EYS: variants seen among roughly 807,000 people sequenced by gnomAD.
EYS encodes the protein EGF-like photoreceptor maintenance factor.
EYS carries 250 observed loss-of-function variants against 282.1 expected under a neutral mutation model. The observed-to-expected ratio is 0.89, with a 90% CI of 0.80 to 0.98. The LOEUF is 0.98. Ranked by LOEUF, EYS falls within the 50% of genes least tolerant of loss-of-function variation. The pLI is 0.00. For synonymous variants in EYS, 1,355 were observed against 1,282.9 expected, an observed-to-expected ratio of 1.06 and a Z score of -1.20; for missense variants, 4,016 against 3,709.0, an observed-to-expected ratio of 1.08 and a Z score of -2.15.
At chr6:65,154,334 GAAGAA>G (rs1347963180) in intron 12 of EYS, among the ~76,000 whole-genome samples, 3 of 151,350 alleles carry the variant, frequency 2.0e-5, no homozygotes, top group Admixed American at 6.6e-5. Context: ...AAGGTGGAAG[GAAGAA>G]AAGAAAGGAG....
Position 65,056,943 on chromosome 6 carries a change from T to C in EYS, c.2137+671A>G, listed in dbSNP as rs1583441800. Among the ~76,000 whole-genome samples, 4 of 151,888 alleles carry C rather than the reference T, an allele frequency of 2.6e-5. No homozygotes were observed. The South Asian group carries it at 8.3e-4, about 32-fold the overall frequency. On this transcript the variant is annotated intron_variant, in intron 13 of 42. Transcript: ENST00000503581. ...AATATTTGAAGTGAGGCAAACAATC[T>C]TACATTTTTCATAAGTAATTATAAG...
intron 12 of EYS, among the ~76,000 whole-genome samples, chr6:65,243,930 A>AT (rs1364328882): frequency 2.0e-5 from 3 of 152,082 alleles, no homozygotes; most frequent in East Asian, 1.9e-4. Flanking sequence ...TAAAGTTTGT[A>AT]TTTTTTTCCA....
At chr6:63,867,417 C>T (rs1482399666) in intron 35 of EYS, among the ~76,000 whole-genome samples, 1 of 151,976 alleles carries the variant, frequency 6.6e-6, no homozygotes, top group Non-Finnish European at 1.5e-5. Context: ...GGAGATTTTT[C>T]TGAATTAAAA....
intron 18 of EYS, among the ~76,000 whole-genome samples, chr6:64,896,046 A>G (rs1266845262): frequency 6.6e-6 from 1 of 152,184 alleles, no homozygotes; most frequent in Non-Finnish European, 1.5e-5. Flanking sequence ...CTTATATTCA[A>G]TAAATACAAC....
At chr6:64,205,789 G>C (rs1405418350) in intron 31 of EYS, among the ~76,000 whole-genome samples, 6 of 149,030 alleles carry the variant, frequency 4.0e-5, no homozygotes, top group African/African-American at 1.5e-4. Context: ...ATTTGTGAAA[G>C]GCTTTCAAAG....
intron 23 of EYS, among the ~76,000 whole-genome samples, chr6:64,625,869 C>T (rs1371608079): frequency 1.3e-5 from 2 of 152,084 alleles, no homozygotes; most frequent in African/African-American, 2.4e-5. Context: ...TTTAGAAAAT[C>T]CATCAATAAG....
intron 35 of EYS, among the ~76,000 whole-genome samples, chr6:63,931,024 T>C (rs1764876205): frequency 1.3e-5 from 2 of 152,194 alleles, no homozygotes; most frequent in South Asian, 4.1e-4. Context: ...CTTAACAGAT[T>C]ATATTTGAAG....
chr6:64,892,094 T>C (rs2150066337), intron 18 of EYS, among the ~76,000 whole-genome samples: 1 of 152,008 alleles, frequency 6.6e-6, no homozygotes, highest in African/African-American at 2.4e-5. Context: ...GAAGAGTAAC[T>C]ATAATTTGCA....
chr6:63,878,248 AC>A (rs1186114295), intron 35 of EYS, among the ~76,000 whole-genome samples: 1 of 152,140 alleles, frequency 6.6e-6, no homozygotes, highest in African/African-American at 2.4e-5. Flanking sequence ...TCCACTCCAG[AC>A]CCTGTTTTCC....
At chr6:64,506,894 G>A (rs1446588967) in intron 26 of EYS, among the ~76,000 whole-genome samples, 2 of 101,672 alleles carry the variant, frequency 2.0e-5, no homozygotes, top group Admixed American at 1.0e-4. Flanking sequence ...GGGCGATAAA[G>A]CGAGGCTGTG....
chr6:64,908,449 G>A (rs987104205), intron 16 of EYS, among the ~76,000 whole-genome samples: 1 of 152,188 alleles, frequency 6.6e-6, no homozygotes, highest in Admixed American at 6.5e-5. Flanking sequence ...CACATGGGGT[G>A]GCTGCCCTTT....
intron 12 of EYS, among the ~76,000 whole-genome samples, chr6:65,168,896 G>C (rs1460158511): frequency 6.6e-6 from 1 of 151,344 alleles, no homozygotes; most frequent in Non-Finnish European, 1.5e-5. Context: ...TGGCCAAAGA[G>C]ATCATGGCTG....
At chr6:63,880,989 G>A (rs1470595030) in intron 35 of EYS, among the ~76,000 whole-genome samples, 3 of 151,792 alleles carry the variant, frequency 2.0e-5, no homozygotes, top group African/African-American at 7.3e-5. Context: ...GTTTCAAAAG[G>A]CATTTATACC....
intron 2 of EYS, among the ~76,000 whole-genome samples, chr6:65,557,765 G>A (rs954237277): frequency 2.6e-5 from 4 of 152,096 alleles, no homozygotes; most frequent in African/African-American, 9.7e-5. Context: ...ACAACTGGAG[G>A]GTTAGCAAAA....
chr6:65,404,038 GAA>G (rs1478796616), intron 6 of EYS, among the ~76,000 whole-genome samples: 1 of 152,028 alleles, frequency 6.6e-6, no homozygotes, highest in Non-Finnish European at 1.5e-5. Flanking sequence ...TCATAAGTCT[GAA>G]AAGTTTCAGA....
At chr6:65,502,101 T>C (rs1766474146) in intron 2 of EYS, among the ~76,000 whole-genome samples, 1 of 151,788 alleles carries the variant, frequency 6.6e-6, no homozygotes, top group Non-Finnish European at 1.5e-5. Flanking sequence ...TGTTTAAACA[T>C]TGACCTGTCA....
chr6:64,707,537 C>T (rs546494556), intron 22 of EYS, among the ~76,000 whole-genome samples: 6 of 151,788 alleles, frequency 4.0e-5, no homozygotes, highest in Admixed American at 6.6e-5. Context: ...GGCGTGGTGG[C>T]GGGCGCCTGT....
chr6:64,819,166 G>T (rs527528019), intron 21 of EYS, among the ~76,000 whole-genome samples: 1 of 152,178 alleles, frequency 6.6e-6, no homozygotes, highest in Admixed American at 6.6e-5. Flanking sequence ...AAAATAAATA[G>T]GGCAGCTAGT....
At chr6:65,676,602 G>A (rs920765363) in intron 1 of EYS, among the ~76,000 whole-genome samples, 1 of 151,668 alleles carries the variant, frequency 6.6e-6, no homozygotes, top group African/African-American at 2.4e-5. Flanking sequence ...AGGACTAGAT[G>A]GCTTAACTGG....
Sources: allele counts gnomAD v4.1 joint callset (sites outside exome capture counted in the v4.1 genomes callset), GRCh38; gene constraint gnomAD v4.1.1; transcripts MANE v1.5; gene names NCBI Gene and HGNC (gene_info 2026-07-23, HGNC 2026-07-21).